PAQR5: variants seen among roughly 807,000 people sequenced by gnomAD.
PAQR5 encodes the protein progestin and adipoQ receptor family member 5, also known as membrane progestin receptor gamma.
A neutral mutation model predicts 34.5 loss-of-function variants in PAQR5; 20 were observed. The ratio of observed to expected loss-of-function variants is 0.58; its 90% CI spans 0.41 to 0.84. The LOEUF is 0.84. Among genes scored for constraint, PAQR5 ranks in the 40% least tolerant of loss-of-function variants. The pLI is 0.00. For synonymous variants in PAQR5, 131 were observed against 155.6 expected (o/e 0.84, Z 1.18); for missense variants, 378 against 412.7 (o/e 0.92, Z 0.73).
intron 1 of PAQR5, among the ~76,000 whole-genome samples, chr15:69,334,871 G>T (rs1001222216): frequency 6.6e-5 from 10 of 152,180 alleles, no homozygotes; most frequent in Non-Finnish European, 1.5e-4. Flanking sequence ...AGGGAAAGGG[G>T]TTTGTAAAGG....
intron 1 of PAQR5, among the ~76,000 whole-genome samples, chr15:69,322,805 G>A (rs57603459): frequency 0.64 from 13,307 of 20,838 alleles, 5,078 homozygotes; most frequent in South Asian, 0.69. Context: ...AAGAAGAAGA[G>A]GAAGAGGAAG....
intron 2 of PAQR5, among the ~76,000 whole-genome samples, chr15:69,342,854 C>T (rs1030104065): frequency 6.6e-6 from 1 of 152,242 alleles, no homozygotes; most frequent in Admixed American, 6.5e-5. Context: ...TCTCCAGCCA[C>T]GCTCAGACCC....
At position 69,405,032 on chromosome 15, in the gene PAQR5, C is replaced by G. The variant is rs144007823; in HGVS notation, c.*1210C>G. 163 of 398,622 alleles carry G rather than the reference C, an allele frequency of 4.1e-4. No homozygotes were observed. The highest frequency in any genetic ancestry group is 3.0e-3 in the African/African-American group (147 of 48,766). The allele number at this position is 398,622 out of a possible 1,614,324, so 24.7% of individuals were successfully genotyped here. A position where few individuals can be genotyped will look rare whatever the true frequency, so the allele number is the denominator to read the frequency against. The stretch of plus-strand genomic sequence containing the variant: ...CGCCTGATCTCAAGTTTTAGCAACT[C>G]ACCAACTAAGGCGTAACCTCATTTT... On this transcript the variant is annotated 3_prime_UTR_variant, in exon 9 of 9. Coordinates refer to ENST00000395407, the MANE Select transcript of PAQR5 (RefSeq NM_017705.4).
At chr15:69,377,783 G>A (rs2055748481) in intron 3 of PAQR5, among the ~76,000 whole-genome samples, 1 of 152,118 alleles carries the variant, frequency 6.6e-6, no homozygotes, top group Admixed American at 6.5e-5. Context: ...TACTCTGGCA[G>A]CCCCTCACCT....
chr15:69,393,847 A>T (rs2056337671), intron 6 of PAQR5, among the ~76,000 whole-genome samples: 1 of 152,146 alleles, frequency 6.6e-6, no homozygotes, highest in Non-Finnish European at 1.5e-5. Flanking sequence ...TTTGGTTCTT[A>T]TTGTCATGGA....
chr15:69,316,834 A>G (rs909966513), intron 1 of PAQR5, among the ~76,000 whole-genome samples: 4 of 151,970 alleles, frequency 2.6e-5, no homozygotes, highest in African/African-American at 9.7e-5. Flanking sequence ...TTATTTATTT[A>G]TTTTGAGATG....
chr15:69,327,453 C>T (rs1218689909), intron 1 of PAQR5, among the ~76,000 whole-genome samples: 1 of 152,112 alleles, frequency 6.6e-6, no homozygotes, highest in Non-Finnish European at 1.5e-5. Flanking sequence ...ACATGGTCAT[C>T]CTTTCATTTG....
intron 3 of PAQR5, among the ~76,000 whole-genome samples, chr15:69,369,041 C>G (rs2055482562): frequency 1.3e-5 from 2 of 152,204 alleles, no homozygotes; most frequent in Admixed American, 6.5e-5. Flanking sequence ...AAAGTTTTGG[C>G]ATTACAGGGT....
chr15:69,307,377 G>A lies in PAQR5; in HGVS notation c.-277+8321G>A, dbSNP rs142553838. ...TATGGTGCTTCTATGTTTAAGTTTC[G>A]GAGGAACCATCATAGTATTAAGGAA... On this transcript the variant is annotated intron_variant, in intron 1 of 8. Coordinates refer to ENST00000395407, the MANE Select transcript of PAQR5 (RefSeq NM_017705.4). Among the ~76,000 whole-genome samples, 104 of 152,252 alleles carry A rather than the reference G, an allele frequency of 6.8e-4. 1 individual carries two copies. The highest frequency in any genetic ancestry group is 2.2e-3 in the African/African-American group (93 of 41,538).
chr15:69,299,479 T>C (rs1238612693), intron 1 of PAQR5, among the ~76,000 whole-genome samples: 2 of 152,146 alleles, frequency 1.3e-5, no homozygotes, highest in Non-Finnish European at 2.9e-5. Flanking sequence ...ACACCTGTGC[T>C]TCCCGCCTCC....
At chr15:69,339,058 G>A (rs1034356042) in intron 2 of PAQR5, among the ~76,000 whole-genome samples, 4 of 151,876 alleles carry the variant, frequency 2.6e-5, no homozygotes, top group Admixed American at 1.3e-4. Flanking sequence ...TCAGTAATTT[G>A]TCTCCTCTGA....
In PAQR5 at chr15:69,329,463, CTTTTTTTTT is replaced by C. The variant is rs1038357937; in HGVS notation, c.-276-7861_-276-7853del. ...TTTTACCTAAATTTATTTTTTCTTT[CTTTTTTTTT>C]TTTTTTTTTTTTTTTTGGAGAGAGA... On this transcript the variant is annotated intron_variant, in intron 1 of 8. Transcript: ENST00000395407. Among the ~76,000 whole-genome samples, 22 of 73,764 alleles carry C rather than the reference CTTTTTTTTT, an allele frequency of 3.0e-4. 1 individual carries two copies. In the Admixed American group the frequency reaches 4.2e-3, roughly 14 times the overall value. The allele number at this position is 73,764 out of a possible 152,430, so 48.4% of individuals were successfully genotyped here. A position where few individuals can be genotyped will look rare whatever the true frequency, so the allele number is the denominator to read the frequency against.
intron 1 of PAQR5, among the ~76,000 whole-genome samples, chr15:69,306,944 G>A (rs2053730472): frequency 6.6e-6 from 1 of 152,144 alleles, no homozygotes; most frequent in African/African-American, 2.4e-5. Context: ...TGCTGCACTT[G>A]TCTTTTTGTG....
rs565565830 is a variant in PAQR5 at position 69,398,132 on chromosome 15, T to C, written c.609+568T>C. Among the ~76,000 whole-genome samples, 122 of 152,312 alleles carry C rather than the reference T, an allele frequency of 8.0e-4. 2 individuals are homozygous for C. The highest frequency in any genetic ancestry group is 9.6e-4 in the Non-Finnish European group (65 of 68,024). On this transcript the variant is annotated intron_variant, in intron 7 of 8. Coordinates refer to ENST00000395407, the MANE Select transcript of PAQR5 (RefSeq NM_017705.4). ...TGTGGGGAGGATTACACGGGGAACA[T>C]GTCAAGTGCTGACTGGTAGCAAGAG...
intron 1 of PAQR5, among the ~76,000 whole-genome samples, chr15:69,312,665 C>T (rs1435583643): frequency 6.6e-6 from 1 of 151,610 alleles, no homozygotes; most frequent in Non-Finnish European, 1.5e-5. Flanking sequence ...GCTGCCCATA[C>T]CTGGTGACTG....
intron 2 of PAQR5, among the ~76,000 whole-genome samples, chr15:69,355,706 G>A (rs550997276): frequency 6.6e-6 from 1 of 152,030 alleles, no homozygotes; most frequent in African/African-American, 2.4e-5. Flanking sequence ...CAGGTGTAAG[G>A]CATTGTGCCC....
At chr15:69,354,308 TTGTTTTGTTAAGAATA>T (rs2055000535) in intron 2 of PAQR5, among the ~76,000 whole-genome samples, 1 of 151,514 alleles carries the variant, frequency 6.6e-6, no homozygotes, top group Non-Finnish European at 1.5e-5. Context: ...TATTTCCTCC[TTGTTTTGTTAAGAATA>T]TGTTTGCATG....
chr15:69,378,913 A>G (rs1299521488), intron 3 of PAQR5, among the ~76,000 whole-genome samples: 2 of 152,150 alleles, frequency 1.3e-5, no homozygotes, highest in Non-Finnish European at 2.9e-5. Flanking sequence ...TGGCCCCCAC[A>G]ACAAACAATG....
At chr15:69,371,962 G>A (rs527799227) in intron 3 of PAQR5, among the ~76,000 whole-genome samples, 11 of 152,214 alleles carry the variant, frequency 7.2e-5, no homozygotes, top group African/African-American at 2.2e-4. Flanking sequence ...AAATCTAAGC[G>A]TTTAACAGCA....
Sources: gnomAD v4.1 joint callset for allele counts (sites outside exome capture counted in the v4.1 genomes callset) on GRCh38, gnomAD v4.1.1 for gene constraint, MANE v1.5 for transcripts, NCBI Gene and HGNC (gene_info 2026-07-23, HGNC 2026-07-21) for gene names.